The following IRAK4 variants were observed in gnomAD, a reference collection of about 807,000 sequenced individuals.
IRAK4 encodes interleukin-1 receptor-associated kinase 4.
Under a neutral mutation model 51.8 loss-of-function variants are expected in IRAK4, and 44 were observed. The observed-to-expected ratio is 0.85, with a 90% CI of 0.67 to 1.09. The LOEUF (loss-of-function observed/expected upper bound fraction) is 1.09. Ranked by LOEUF, IRAK4 falls within the 50% of genes least tolerant of loss-of-function variation. IRAK4 has a pLI of 0.00. For synonymous variants in IRAK4, 149 were observed against 174.1 expected, an observed-to-expected ratio of 0.86 and a Z score of 1.13; for missense variants, 487 against 538.0, an observed-to-expected ratio of 0.91 and a Z score of 0.94.
chr12:43,778,443 A>G (rs1941491066), intron 8 of IRAK4, 141 bp downstream of exon 8: 2 of 651,574 alleles, frequency 3.1e-6, no homozygotes, highest in East Asian at 5.5e-5. Context: ...TCTTCTCAAT[A>G]AGGACATCTA....
Position 43,778,303 on chromosome 12 carries a change from G to A in IRAK4, c.941+1G>A. 1 of 1,504,386 alleles carries A rather than the reference G, an allele frequency of 6.6e-7. No homozygotes were observed. Among genetic ancestry groups the A allele is most frequent in the Non-Finnish European group, 9.3e-7 (1 of 1,080,306 alleles). The allele number at this position is 1,504,386 out of a possible 1,614,324, so 93.2% of individuals were successfully genotyped here. A position where few individuals can be genotyped will look rare whatever the true frequency, so the allele number is the denominator to read the frequency against. ...ATCATATTCATAGAGATATTAAAAG[G>A]TAAATGCTACTGTTTAAAAGTTTTT... On this transcript the variant is annotated splice_donor_variant, in intron 8 of 11. Transcript: ENST00000613694. LOFTEE classifies it high-confidence loss of function.
rs766433748 is a variant in IRAK4, at chr12:43,772,215, A to G, written c.343A>G (p.Lys115Glu). The change falls in exon 4 of 12, where the codon AAA becomes GAA. Residue 115 changes from lysine (K) to glutamate (E), a missense_variant. Coordinates refer to ENST00000613694, the MANE Select transcript of IRAK4 (RefSeq NM_016123.4). The part of the protein sequence containing the change: ...VPKTANTLPS[K>E]EAITVQQKQM... The stretch of plus-strand genomic sequence containing the variant: ...CAAAACTGCTAATACACTACCTTCT[A>G]AAGAAGCTATAACAGTTCAGCAAAA... The G allele has an allele frequency of 3.7e-6, 6 of 1,613,516 alleles. No homozygotes were observed. Among genetic ancestry groups the G allele is most frequent in the South Asian group, 2.2e-5 (2 of 91,086 alleles).
Position 43,773,171 on chromosome 12 carries a change from T to C in IRAK4, c.651+99T>C, listed in dbSNP as rs74085333. The C allele has an allele frequency of 8.7e-4, 969 of 1,114,936 alleles. 3 individuals are homozygous for C. In the African/African-American group the frequency reaches 0.014, roughly 16 times the overall value. 69.1% of individuals were successfully genotyped at this position (1,114,936 alleles called of 1,614,324 possible). A position where few individuals can be genotyped will look rare whatever the true frequency, so the allele number is the denominator to read the frequency against. ...CTTTAGGAAATACATTATTTCAGTA[T>C]GTATTTTCTTTAAATAAACATCATT... On this transcript the variant is annotated intron_variant, in intron 5 of 11. Transcript: ENST00000613694.
rs1454427462 is a variant in IRAK4, at chr12:43,786,523, A to C, written c.1313A>C (p.His438Pro). The C allele has an allele frequency of 1.9e-6, 3 of 1,613,468 alleles. No homozygotes were observed. The highest frequency in any genetic ancestry group is 8.5e-7 in the Non-Finnish European group (1 of 1,179,830). The change falls in exon 11 of 12, where the codon CAT becomes CCT. Residue 438 changes from histidine to proline, a missense_variant. Physicochemically the swap from His to Pro is moderately conservative, Grantham distance 77. Coordinates refer to ENST00000613694, the MANE Select transcript of IRAK4 (RefSeq NM_016123.4). ...TACTCTGTTGCTAGTCAATGTCTGC[A>C]TGAAAAGAAAAATAAGAGACCAGAC... ...AMYSVASQCL[H>P]EKKNKRPDIK...
chr12:43,770,289 G>A (rs1366010832), intron 2 of IRAK4, among the ~76,000 whole-genome samples: 1 of 152,096 alleles, frequency 6.6e-6, no homozygotes, highest in Non-Finnish European at 1.5e-5. Flanking sequence ...TGTGTGTTCT[G>A]TTTCTTTAAT....
intron 1 of IRAK4, among the ~76,000 whole-genome samples, chr12:43,760,622 A>G (rs904407189): frequency 1.2e-4 from 19 of 152,152 alleles, no homozygotes; most frequent in Admixed American, 7.9e-4. Context: ...CTTTGCATTT[A>G]CATTTCGTTT....
Position 43,770,886 on chromosome 12 carries a change from G to A in IRAK4, c.162-334G>A, listed in dbSNP as rs1461567. On this transcript the variant is annotated intron_variant, in intron 2 of 11. Transcript: ENST00000613694. ...TTGCCCTTATGAGTGGATTAATGTC[G>A]TCATGGCAGGAGTGGGTTAGTTATC... Among the ~76,000 whole-genome samples, 34,307 of 152,058 alleles carry A rather than the reference G, an allele frequency of 0.23. 4,916 individuals are homozygous for A. Among genetic ancestry groups the A allele is most frequent in the East Asian group, 0.47 (2,416 of 5,158 alleles).
Position 43,777,756 on chromosome 12 carries a change from G to A in IRAK4, c.831+12G>A, listed in dbSNP as rs1161022178. ...GACTCTCTTGCTTGGTAAGCTATTT[G>A]TTCATCAGATTGTTTGGCTTTTTGT... On this transcript the variant is annotated intron_variant, in intron 7 of 11. Coordinates refer to ENST00000613694, the MANE Select transcript of IRAK4 (RefSeq NM_016123.4). 1 of 1,591,852 alleles carries A rather than the reference G, an allele frequency of 6.3e-7. No homozygotes were observed. The highest frequency in any genetic ancestry group is 8.6e-7 in the Non-Finnish European group (1 of 1,160,270).
At chr12:43,769,270 G>T (rs948342305) in intron 2 of IRAK4, among the ~76,000 whole-genome samples, 1 of 152,106 alleles carries the variant, frequency 6.6e-6, no homozygotes, top group African/African-American at 2.4e-5. Flanking sequence ...AACCACCAAT[G>T]AGTAACTGAT....
chr12:43,762,459 G>A (rs964526686), intron 1 of IRAK4, among the ~76,000 whole-genome samples: 1 of 152,154 alleles, frequency 6.6e-6, no homozygotes, highest in Non-Finnish European at 1.5e-5. Flanking sequence ...ACAGTAGAGA[G>A]AAATCTTAGT....
rs1942160488 is a variant in IRAK4 at position 43,785,758 on chromosome 12, C to T, written c.1189-641C>T. On this transcript the variant is annotated intron_variant, in intron 10 of 11. Coordinates refer to ENST00000613694, the MANE Select transcript of IRAK4 (RefSeq NM_016123.4). The stretch of plus-strand genomic sequence containing the variant: ...CCTCATAGAGTGTACTTACACAAAC[C>T]TAGATGATATGACCTACGACATACC... Among the ~76,000 whole-genome samples, 4 of 151,466 alleles carry T rather than the reference C, an allele frequency of 2.6e-5. No individual in the cohort carries two copies. In the South Asian group the frequency reaches 8.4e-4, roughly 32 times the overall value.
chr12:43,773,858 A>G, intron 5 of IRAK4, 107 bp from the exon 6 acceptor site: 1 of 728,238 alleles, frequency 1.4e-6, no homozygotes, highest in Admixed American at 2.0e-5. Flanking sequence ...AGAATAATAC[A>G]CTATTGTTTT....
chr12:43,780,572 CTTT>C (rs530751019), intron 8 of IRAK4, among the ~76,000 whole-genome samples: 10 of 134,042 alleles, frequency 7.5e-5, no homozygotes, highest in Admixed American at 7.5e-5. Context: ...CCTGTATGTT[CTTT>C]TTTTTTTTTT....
At chr12:43,759,916 A>G (rs1324954672) in intron 1 of IRAK4, among the ~76,000 whole-genome samples, 1 of 151,692 alleles carries the variant, frequency 6.6e-6, no homozygotes, top group East Asian at 1.9e-4. Flanking sequence ...GCGAGAAAGC[A>G]CTTTGAGCAT....
At chr12:43,776,056 T>A (rs1327083146) in intron 6 of IRAK4, among the ~76,000 whole-genome samples, 1 of 151,866 alleles carries the variant, frequency 6.6e-6, no homozygotes, top group Non-Finnish European at 1.5e-5. Flanking sequence ...TAATTTTGTT[T>A]TTGTATTTTT....
Position 43,786,766 on chromosome 12 carries a change from T to A in IRAK4, c.*51T>A, listed in dbSNP as rs924111105. The stretch of plus-strand genomic sequence containing the variant: ...TTTTTATATACACCTATCTCAACCA[T>A]TTTTTTAACTGATTTTTTTCCTAAA... On this transcript the variant is annotated 3_prime_UTR_variant, in exon 12 of 12. Coordinates refer to ENST00000613694, the MANE Select transcript of IRAK4 (RefSeq NM_016123.4). 1 of 1,441,770 alleles carries A rather than the reference T, an allele frequency of 6.9e-7. No individual in the cohort carries two copies. The highest frequency in any genetic ancestry group is 1.7e-5 in the Admixed American group (1 of 57,944). 89.3% of individuals were successfully genotyped at this position (1,441,770 alleles called of 1,614,324 possible).
chr12:43,783,364 C>G (rs1486977507), intron 9 of IRAK4, among the ~76,000 whole-genome samples: 1 of 152,094 alleles, frequency 6.6e-6, no homozygotes, highest in Non-Finnish European at 1.5e-5. Context: ...GTCACCCAGA[C>G]TGAAGTGCAG....
At chr12:43,785,449 C>T (rs1262376815) in intron 10 of IRAK4, among the ~76,000 whole-genome samples, 2 of 152,008 alleles carry the variant, frequency 1.3e-5, no homozygotes, top group East Asian at 1.9e-4. Flanking sequence ...TGGAATTGCG[C>T]TATTAGAAGC....
At position 43,768,173 on chromosome 12, in the gene IRAK4, AGCT is replaced by A; in HGVS notation, c.64_66del (p.Leu22del). 1 of 1,613,678 alleles carries A rather than the reference AGCT, an allele frequency of 6.2e-7. No homozygotes were observed. The highest frequency in any genetic ancestry group is 2.2e-5 in the East Asian group (1 of 44,832). ...TGCCTCAATGTTGGACTAATTAGGA[AGCT>A]GTCAGATTTTATTGATCCTCAAGAA... On this transcript the variant is annotated inframe_deletion, in exon 2 of 12. Coordinates refer to ENST00000613694, the MANE Select transcript of IRAK4 (RefSeq NM_016123.4).
Sources: allele counts gnomAD v4.1 joint callset (sites outside exome capture counted in the v4.1 genomes callset), GRCh38; gene constraint gnomAD v4.1.1; transcripts MANE v1.5; gene names NCBI Gene and HGNC (gene_info 2026-07-23, HGNC 2026-07-21).